SLC35H1: variants seen among roughly 807,000 people sequenced by gnomAD.
SLC35H1 encodes solute carrier family 35 member H1, also known as ovarian cancer-overexpressed gene 1 protein.
chr20:46,361,848 C>T, the SLC35H1 span, among the ~76,000 whole-genome samples: 1 of 152,240 alleles, frequency 6.6e-6, no homozygotes, highest in Non-Finnish European at 1.5e-5. Flanking sequence ...TCCCTCATGG[C>T]TCCTCCTGTG....
chr20:46,347,461 C>CA, the SLC35H1 span: 5 of 152,362 alleles, frequency 3.3e-5, no homozygotes, highest in African/African-American at 1.2e-4. Context: ...AGGCTGACTC[C>CA]AAAAATGAAT....
the SLC35H1 span, among the ~76,000 whole-genome samples, chr20:46,357,277 T>G: frequency 6.6e-6 from 1 of 152,336 alleles, no homozygotes; most frequent in Non-Finnish European, 1.5e-5. Flanking sequence ...GTGCCCTCCA[T>G]GTCCGTGTCA....
the SLC35H1 span, chr20:46,355,175 T>C: frequency 6.2e-7 from 1 of 1,613,938 alleles, no homozygotes; most frequent in African/African-American, 1.3e-5. This position sits in a 1 kb window ranked among gnomAD's most constrained non-coding sequence, Gnocchi z 4.8. Context: ...TTGAACTGTG[T>C]GGACTTGTAG....
chr20:46,362,081 C>T, the SLC35H1 span, among the ~76,000 whole-genome samples: 1 of 152,140 alleles, frequency 6.6e-6, no homozygotes, highest in Admixed American at 6.5e-5. Flanking sequence ...AACTTATTTT[C>T]TTATTGGGAT....
chr20:46,348,869 G>A, the SLC35H1 span: 50 of 152,314 alleles, frequency 3.3e-4, no homozygotes, highest in African/African-American at 1.2e-3. Flanking sequence ...TTTGTGCTAC[G>A]ATGGCAGAGT....
At chr20:46,358,510 T>A in the SLC35H1 span, 3 of 1,614,162 alleles carry the variant, frequency 1.9e-6, no homozygotes, top group African/African-American at 1.3e-5. Context: ...TCCCCATTCG[T>A]GGCGGCTGCA....
chr20:46,359,006 C>T, the SLC35H1 span: 4 of 521,188 alleles, frequency 7.7e-6, no homozygotes, highest in Non-Finnish European at 1.4e-5. Flanking sequence ...TAAAACCCTT[C>T]AGCAGCTTCC....
At chr20:46,362,957 G>C in the SLC35H1 span, 1 of 152,292 alleles carries the variant, frequency 6.6e-6, no homozygotes, top group African/African-American at 2.4e-5. Context: ...GTGGAGACAG[G>C]GTTTCTCCAT....
At chr20:46,357,617 A>G in the SLC35H1 span, 1 of 1,612,040 alleles carries the variant, frequency 6.2e-7, no homozygotes, top group Non-Finnish European at 8.5e-7. Flanking sequence ...GAGGTCCCCC[A>G]CCTACCTGTG....
chr20:46,362,677 C>G, the SLC35H1 span, among the ~76,000 whole-genome samples: 10 of 152,346 alleles, frequency 6.6e-5, no homozygotes, highest in African/African-American at 2.4e-4. Flanking sequence ...CAGTCCAACT[C>G]CTTCACCCCC....
the SLC35H1 span, chr20:46,357,550 GTC>G: frequency 2.0e-6 from 3 of 1,525,786 alleles, no homozygotes; most frequent in Non-Finnish European, 2.7e-6. Flanking sequence ...ACATGCGGGT[GTC>G]TCTCTTGTTC....
the SLC35H1 span, chr20:46,352,010 C>A: frequency 5.0e-6 from 8 of 1,601,274 alleles, no homozygotes; most frequent in Non-Finnish European, 6.0e-6. Context: ...CCTGGGGGCT[C>A]CCTCTCTAAG....
the SLC35H1 span, among the ~76,000 whole-genome samples, chr20:46,361,732 C>T: frequency 1.3e-5 from 2 of 152,176 alleles, no homozygotes; most frequent in African/African-American, 4.8e-5. Context: ...CCATATGTCA[C>T]CTGAGGATCA....
chr20:46,348,539 G>C, the SLC35H1 span: 12 of 152,350 alleles, frequency 7.9e-5, no homozygotes, highest in African/African-American at 2.2e-4. Context: ...GGAATCCAAG[G>C]GGGGCAGAGG....
chr20:46,362,610 C>T, the SLC35H1 span, among the ~76,000 whole-genome samples: 1 of 152,168 alleles, frequency 6.6e-6, no homozygotes, highest in African/African-American at 2.4e-5. Context: ...ATGGTAGAGG[C>T]TTACTCCCCT....
the SLC35H1 span, chr20:46,356,768 C>A: frequency 1.3e-6 from 1 of 779,596 alleles, no homozygotes; most frequent in South Asian, 1.7e-5. Context: ...GCCCTTGGGC[C>A]TTCTTTTCCA....
chr20:46,362,151 A>G, the SLC35H1 span, among the ~76,000 whole-genome samples: 7 of 152,164 alleles, frequency 4.6e-5, no homozygotes, highest in Non-Finnish European at 7.3e-5. Context: ...GTCCCTGGAG[A>G]TCATCTAGGC....
chr20:46,347,275 T>G, the SLC35H1 span: 1 of 152,338 alleles, frequency 6.6e-6, no homozygotes, highest in East Asian at 1.9e-4. Context: ...GCTTAACCAC[T>G]TGGAACTTAG....
the SLC35H1 span, chr20:46,355,847 G>A: frequency 8.7e-6 from 14 of 1,613,914 alleles, 1 homozygote; most frequent in East Asian, 2.2e-5. The surrounding 1 kb of genome is among the most constrained non-coding windows in gnomAD (Gnocchi z 4.8). Context: ...AGATGAAGAG[G>A]ACAGCTGAGG....
Sources: gnomAD v4.1 joint callset for allele counts (sites outside exome capture counted in the v4.1 genomes callset) on GRCh38, gnomAD v4.1.1 for gene constraint, Gnocchi (gnomAD v3.1) non-coding constraint, MANE v1.5 for transcripts, NCBI Gene and HGNC (gene_info 2026-07-23, HGNC 2026-07-21) for gene names.